TPR: variants seen among roughly 807,000 people sequenced by gnomAD.
TPR encodes translocated promoter region, nuclear basket protein.
In TPR, 51 loss-of-function variants were observed where a neutral mutation model predicts 316.1. That is an observed-to-expected ratio of 0.16 (90% CI 0.13 to 0.20). The LOEUF is 0.20. TPR is among the 10% of genes least tolerant of loss of function. The probability of loss-of-function intolerance (pLI) is 1.00; values close to 1 mark genes in which losing one functional copy is unlikely to be tolerated. For missense variants in TPR, 2,272 were observed against 2,754.8 expected, an observed-to-expected ratio of 0.82 and a Z score of 3.92; for synonymous variants, 981 against 914.7, an observed-to-expected ratio of 1.07 and a Z score of -1.31.
chr1:186,331,775 T>C (rs1358263982), intron 38 of TPR, among the ~76,000 whole-genome samples, 194 bp from the exon 39 acceptor site: 1 of 152,098 alleles, frequency 6.6e-6, no homozygotes, highest in Non-Finnish European at 1.5e-5. Context: ...TTATGAACAT[T>C]AATACATGCT....
At position 186,341,061 on chromosome 1, in the gene TPR, T is replaced by C; in HGVS notation, c.3987A>G (p.Glu1329=). The change falls in exon 29 of 51, where the codon GAA becomes GAG. Residue 1329 remains glutamate (E), a synonymous_variant. Coordinates refer to ENST00000367478, the MANE Select transcript of TPR (RefSeq NM_003292.3). Reference sequence around the variant, plus strand: ...GTGCTTTCCAACGTTTGACATCCTCTTCTAAGAGCTTCTTCTCTGCCTGCA... The same window carrying C: ...GTGCTTTCCAACGTTTGACATCCTCCTCTAAGAGCTTCTTCTCTGCCTGCA... ...GMLQAEKKLL[E]EDVKRWKARN... is the part of the protein sequence containing the mutation. 1 of 1,614,118 alleles carries C rather than the reference T, an allele frequency of 6.2e-7. No homozygotes were observed. The highest frequency in any genetic ancestry group is 8.5e-7 in the Non-Finnish European group (1 of 1,180,002).
At position 186,314,737 on chromosome 1, in the gene TPR, T is replaced by G; in HGVS notation, c.6941-13A>C. 1.9e-6 allele frequency: 3 copies of G among 1,575,754 alleles called. No individual in the cohort carries two copies. Among genetic ancestry groups the G allele is most frequent in the Non-Finnish European group, 2.6e-6 (3 of 1,156,684 alleles). ...CTACTACTAGTATCTAAGAAAAACA[T>G]TAAGATAAAAGAAAAGCAAGTGAAA... On this transcript the variant is annotated splice_polypyrimidine_tract_variant and intron_variant, in intron 49 of 50. Transcript: ENST00000367478.
intron 4 of TPR, among the ~76,000 whole-genome samples, chr1:186,366,698 C>T (rs1659354514): frequency 6.6e-6 from 1 of 152,044 alleles, no homozygotes; most frequent in Non-Finnish European, 1.5e-5. Context: ...ATTTTAAATA[C>T]AGTGTGTTAA....
Position 186,323,863 on chromosome 1 carries a change from T to C in TPR, c.6120A>G (p.Gly2040=). 6.5e-7 allele frequency: 1 copy of C among 1,539,212 alleles called. No homozygotes were observed. The highest frequency in any genetic ancestry group is 8.7e-7 in the Non-Finnish European group (1 of 1,154,180). ...AAGAAGATTCTGCAGCACCTGTATT[T>C]CCTTCACCTGTAGGAAAAGAGAAAT... is the stretch of plus-strand genomic sequence containing the variant. ...RAADSQNSGE[G]NTGAAESSFS... is the part of the protein sequence containing the mutation. Residue 2040 remains glycine, a synonymous_variant, in exon 43 of 51, where the codon GGA becomes GGG. Transcript: ENST00000367478.
chr1:186,346,651 T>C (rs1658688920), intron 22 of TPR, among the ~76,000 whole-genome samples: 1 of 152,192 alleles, frequency 6.6e-6, no homozygotes, highest in African/African-American at 2.4e-5. Context: ...AAAGGATCTT[T>C]TAAAATTGAA....
chr1:186,337,042 G>A lies in TPR; in HGVS notation c.4477C>T (p.Leu1493Phe), dbSNP rs1240235684. 1 of 1,613,854 alleles carries A rather than the reference G, an allele frequency of 6.2e-7. No homozygotes were observed. Among genetic ancestry groups the A allele is most frequent in the Non-Finnish European group, 8.5e-7 (1 of 1,179,816 alleles). The change falls in exon 32 of 51, where the codon CTT becomes TTT. Residue 1493 changes from leucine to phenylalanine, a missense_variant. Leu to Phe is a conservative substitution (Grantham distance 22). Around this residue, in one of 10 missense-constraint regions of TPR, gnomAD observed 101 missense variants for 113.0 expected, o/e 0.89. Transcript: ENST00000367478. ...TGCAGATTCTCTACTTGACTTTCAA[G>A]TGATTTTGATTTTGTTTCAGCTTGG... ...LNQAETKSKS[L>F]ESQVENLQKT... is the part of the protein sequence containing the mutation.
intron 18 of TPR, 84 bp from the exon 19 acceptor site, chr1:186,352,194 AC>A: frequency 7.6e-7 from 1 of 1,311,542 alleles, no homozygotes; most frequent in African/African-American, 1.5e-5. Context: ...AATGATTCAT[AC>A]ATCACTACTT....
In TPR at chr1:186,312,232, G is replaced by T; in HGVS notation, c.*1739C>A. 1 of 1,614,092 alleles carries T rather than the reference G, an allele frequency of 6.2e-7. No homozygotes were observed. The highest frequency in any genetic ancestry group is 8.5e-7 in the Non-Finnish European group (1 of 1,179,986). ...GAACCTGTACAGAAGTGCCCTGGAA[G>T]AAGGCCTGCTCTAAATTATCCAGTG... is the stretch of plus-strand genomic sequence containing the variant. On this transcript the variant is annotated 3_prime_UTR_variant, in exon 51 of 51. Coordinates refer to ENST00000367478, the MANE Select transcript of TPR (RefSeq NM_003292.3).
chr1:186,356,870 T>C (rs945666316), intron 14 of TPR, among the ~76,000 whole-genome samples: 3 of 152,236 alleles, frequency 2.0e-5, no homozygotes, highest in Non-Finnish European at 4.4e-5. Flanking sequence ...ATCCCACAGA[T>C]AGGCACTAAT....
chr1:186,322,756 A>C, intron 43 of TPR, 170 bp from the exon 44 acceptor site: 1 of 629,768 alleles, frequency 1.6e-6, no homozygotes, highest in Non-Finnish European at 2.8e-6. Flanking sequence ...TGTCAATGAC[A>C]AATTTTTAAT....
chr1:186,333,044 G>A (rs1159586700), intron 37 of TPR, 78 bp downstream of exon 37: 3 of 1,490,318 alleles, frequency 2.0e-6, no homozygotes, highest in Non-Finnish European at 2.7e-6. Context: ...GAATACTCAA[G>A]ATATATATAC....
intron 35 of TPR, 139 bp downstream of exon 35, chr1:186,334,929 G>C: frequency 1.2e-6 from 1 of 827,596 alleles, no homozygotes. Flanking sequence ...ACATGATACA[G>C]TTCTGCAGAG....
chr1:186,331,825 C>T (rs1036115189), intron 38 of TPR, among the ~76,000 whole-genome samples: 1 of 152,048 alleles, frequency 6.6e-6, no homozygotes, highest in African/African-American at 2.4e-5. Flanking sequence ...TGATTTGAAA[C>T]CTGCTTCATT....
At chr1:186,351,195 T>C (rs1658851538) in intron 20 of TPR, 135 bp downstream of exon 20, 2 of 987,878 alleles carry the variant, frequency 2.0e-6, no homozygotes, top group East Asian at 2.8e-5. Flanking sequence ...TTACTGGGTA[T>C]AGAGTGAGGC....
At chr1:186,365,099 G>T (rs1453578494) in intron 4 of TPR, among the ~76,000 whole-genome samples, 2 of 69,596 alleles carry the variant, frequency 2.9e-5, no homozygotes, top group African/African-American at 6.3e-5. Flanking sequence ...TAAAGGGGCT[G>T]CCCTTTTTTT....
In TPR at chr1:186,346,255, A is replaced by G; in HGVS notation, c.2976T>C (p.Val992=). 1 of 1,613,190 alleles carries G rather than the reference A, an allele frequency of 6.2e-7. No homozygotes were observed. The highest frequency in any genetic ancestry group is 1.7e-4 in the Middle Eastern group (1 of 6,058). The stretch of plus-strand genomic sequence containing the variant: ...GAAATTCAGCTGACTCTTTTAAACG[A>G]ACTTCAATATTCTTACGCACTTCTT... ...VTEEVRKNIE[V]RLKESAEFQT... is the part of the protein sequence containing the mutation. Residue 992 remains valine (V), a synonymous_variant, in exon 23 of 51, where the codon GTT becomes GTC. Coordinates refer to ENST00000367478, the MANE Select transcript of TPR (RefSeq NM_003292.3).
At chr1:186,343,587 T>C in intron 26 of TPR, 114 bp from the exon 27 acceptor site, 1 of 945,468 alleles carries the variant, frequency 1.1e-6, no homozygotes, top group Middle Eastern at 2.3e-4. Flanking sequence ...TATTACACGT[T>C]TTCATTAATA....
chr1:186,374,437 C>T (rs1249385830), intron 1 of TPR, among the ~76,000 whole-genome samples: 1 of 152,172 alleles, frequency 6.6e-6, no homozygotes, highest in East Asian at 1.9e-4. Flanking sequence ...GTTCTGGAGC[C>T]ACGGGACGAC....
At chr1:186,318,065 C>T (rs1571596767) in intron 48 of TPR, among the ~76,000 whole-genome samples, 1 of 152,204 alleles carries the variant, frequency 6.6e-6, no homozygotes, top group Non-Finnish European at 1.5e-5. Context: ...TCAGTGGCTA[C>T]ATCCATCTTT....
Sources: allele counts gnomAD v4.1 joint callset (sites outside exome capture counted in the v4.1 genomes callset), GRCh38; gene constraint gnomAD v4.1.1; regional missense constraint gnomAD v4.1.1; transcripts MANE v1.5; gene names NCBI Gene and HGNC (gene_info 2026-07-23, HGNC 2026-07-21).